Variants in MAD1L1 observed in about 807,000 individuals in gnomAD.
MAD1L1 encodes mitotic arrest deficient 1 like 1.
Under a neutral mutation model 96.9 loss-of-function variants are expected in MAD1L1, and 95 were observed. The observed-to-expected ratio is 0.98, with a 90% confidence interval of 0.83 to 1.16. MAD1L1 has a LOEUF of 1.16. Ranked by LOEUF, MAD1L1 falls within the 50% of genes most tolerant of loss-of-function variation. The pLI is 0.00. For missense variants in MAD1L1, 1,007 were observed against 954.4 expected, an observed-to-expected ratio of 1.06 and a Z score of -0.73; for synonymous variants, 473 against 396.6, an observed-to-expected ratio of 1.19 and a Z score of -2.29.
At chr7:1,866,143 AG>A (rs1347015403) in intron 18 of MAD1L1, among the ~76,000 whole-genome samples, 1 of 152,068 alleles carries the variant, frequency 6.6e-6, no homozygotes, top group African/African-American at 2.4e-5. Context: ...GGTTGGTGGG[AG>A]GGGGGCCAGA....
At chr7:1,864,457 T>C (rs1331772091) in intron 18 of MAD1L1, among the ~76,000 whole-genome samples, 1 of 152,196 alleles carries the variant, frequency 6.6e-6, no homozygotes, top group Non-Finnish European at 1.5e-5. Flanking sequence ...ATTATCCAAA[T>C]TGCTTCTGGC....
rs1423343049 is a variant in MAD1L1, at chr7:2,128,382, G to C, written c.1073+20770C>G. 2.6e-5 allele frequency among the ~76,000 whole-genome samples: 4 copies of C among 152,266 alleles called. No individual in the cohort carries two copies. In the East Asian group the frequency reaches 7.7e-4, roughly 29 times the overall value. ...CAGAAAGAGAGGGCGGAGGAGGCCA[G>C]ACCACCGTGAAAGACCTAGGCAGTT... On this transcript the variant is annotated intron_variant, in intron 11 of 18. Transcript: ENST00000265854.
At chr7:2,117,647 G>A (rs1787776849) in intron 11 of MAD1L1, among the ~76,000 whole-genome samples, 1 of 152,152 alleles carries the variant, frequency 6.6e-6, no homozygotes, top group African/African-American at 2.4e-5. Flanking sequence ...AAAGAAGGAC[G>A]TGTTTGCTTC....
chr7:2,184,204 A>G (rs1218251724), intron 10 of MAD1L1, among the ~76,000 whole-genome samples: 2 of 152,004 alleles, frequency 1.3e-5, no homozygotes, highest in Non-Finnish European at 2.9e-5. Flanking sequence ...GTGAGTGGAG[A>G]TCGCGCCACT....
chr7:1,887,162 C>T (rs1007093276), intron 18 of MAD1L1, among the ~76,000 whole-genome samples: 30 of 152,252 alleles, frequency 2.0e-4, no homozygotes, highest in African/African-American at 6.8e-4. Context: ...ATCCAGATCA[C>T]AGAAGCAGGT....
intron 14 of MAD1L1, among the ~76,000 whole-genome samples, chr7:1,994,363 G>A (rs1295411797): frequency 2.6e-5 from 4 of 152,182 alleles, no homozygotes; most frequent in African/African-American, 9.7e-5. Context: ...CTGAGGCTCC[G>A]CTGAACTGAA....
intron 10 of MAD1L1, among the ~76,000 whole-genome samples, chr7:2,151,583 CATT>C (rs1789573028): frequency 6.6e-6 from 1 of 152,274 alleles, no homozygotes; most frequent in Admixed American, 6.5e-5. Context: ...GGGTCAGGAG[CATT>C]TGACACCGAT....
intron 12 of MAD1L1, among the ~76,000 whole-genome samples, chr7:2,030,441 T>C (rs1783172565): frequency 1.3e-5 from 2 of 152,256 alleles, no homozygotes; most frequent in South Asian, 2.1e-4. Context: ...TGTCACCAAA[T>C]GCATTTCTTG....
intron 16 of MAD1L1, among the ~76,000 whole-genome samples, chr7:1,945,328 A>G (rs1213561206): frequency 6.6e-6 from 1 of 152,252 alleles, no homozygotes; most frequent in African/African-American, 2.4e-5. Flanking sequence ...CACAGGCTCC[A>G]TGTGGAAGAT....
At chr7:1,823,630 T>A (rs1434752325) in intron 18 of MAD1L1, among the ~76,000 whole-genome samples, 1 of 152,160 alleles carries the variant, frequency 6.6e-6, no homozygotes, top group Non-Finnish European at 1.5e-5. Flanking sequence ...CTTCTCTCTT[T>A]TCCCAGAACA....
intron 18 of MAD1L1, among the ~76,000 whole-genome samples, chr7:1,863,413 G>A: frequency 6.6e-6 from 1 of 152,258 alleles, no homozygotes; most frequent in Non-Finnish European, 1.5e-5. Context: ...CCTGGGCGGG[G>A]AGACCTCGCG....
chr7:2,172,966 A>C (rs149950714), intron 10 of MAD1L1, among the ~76,000 whole-genome samples: 2 of 152,218 alleles, frequency 1.3e-5, no homozygotes, highest in Non-Finnish European at 2.9e-5. Context: ...CTGAGACTAC[A>C]GCACCTGCTA....
chr7:1,826,867 T>A (rs1160416443), intron 18 of MAD1L1, among the ~76,000 whole-genome samples: 1 of 152,240 alleles, frequency 6.6e-6, no homozygotes, highest in Non-Finnish European at 1.5e-5. Context: ...TTGGGGTTTA[T>A]CTTCCCGGCG....
chr7:1,920,402 T>A (rs1392632950), intron 17 of MAD1L1, among the ~76,000 whole-genome samples: 1 of 152,208 alleles, frequency 6.6e-6, no homozygotes, highest in Non-Finnish European at 1.5e-5. Flanking sequence ...GAGACTCGGC[T>A]GCCGTGGCAG....
intron 11 of MAD1L1, among the ~76,000 whole-genome samples, chr7:2,118,363 C>G (rs1787816432): frequency 6.6e-6 from 1 of 152,238 alleles, no homozygotes; most frequent in South Asian, 2.1e-4. Context: ...GTGAACCCTC[C>G]CTCCTGACCA....
intron 18 of MAD1L1, among the ~76,000 whole-genome samples, chr7:1,881,727 T>C (rs528712508): frequency 3.9e-5 from 6 of 152,282 alleles, no homozygotes. Context: ...CAGACCCGAC[T>C]TCACCAGGAA....
At chr7:1,935,348 G>A (rs1240912507) in intron 17 of MAD1L1, among the ~76,000 whole-genome samples, 1 of 152,232 alleles carries the variant, frequency 6.6e-6, no homozygotes, top group East Asian at 1.9e-4. Context: ...GAGCTGGAAA[G>A]GAGCCCCCGA....
intron 12 of MAD1L1, among the ~76,000 whole-genome samples, chr7:2,055,587 C>T (rs138727958): frequency 0.022 from 3,238 of 145,326 alleles, 66 homozygotes; most frequent in Non-Finnish European, 0.037. Flanking sequence ...GGAGAATCAC[C>T]GGAGCCTGCG....
chr7:2,062,257 CAAAAA>C (rs56706072), intron 12 of MAD1L1, among the ~76,000 whole-genome samples: 3 of 102,794 alleles, frequency 2.9e-5, no homozygotes, highest in Admixed American at 1.0e-4. Flanking sequence ...ACAGCAACGA[CAAAAA>C]AAAAAAAAAA....
Sources: gnomAD v4.1 joint callset for allele counts (sites outside exome capture counted in the v4.1 genomes callset) on GRCh38, gnomAD v4.1.1 for gene constraint, MANE v1.5 for transcripts, NCBI Gene and HGNC (gene_info 2026-07-23, HGNC 2026-07-21) for gene names.